The following SMC5 variants were observed in gnomAD, a reference collection of about 807,000 sequenced individuals.
SMC5 encodes the protein structural maintenance of chromosomes protein 5.
Under a neutral mutation model 148.3 loss-of-function variants are expected in SMC5, and 88 were observed. That is an observed-to-expected ratio of 0.59 (90% CI 0.50 to 0.71). The LOEUF is 0.71. Among genes scored for constraint, SMC5 ranks in the 30% least tolerant of loss-of-function variants. SMC5 has a pLI of 0.00. For synonymous variants in SMC5, 421 were observed against 432.8 expected, an observed-to-expected ratio of 0.97 and a Z score of 0.34; for missense variants, 1,142 against 1,298.9, an observed-to-expected ratio of 0.88 and a Z score of 1.86.
At position 70,259,127 on chromosome 9, in the gene SMC5, A is replaced by T; in HGVS notation, c.49A>T (p.Lys17Ter). Residue 17 changes from lysine (K) to a stop codon, truncating the protein, a stop_gained, in exon 1 of 25, where the codon AAG becomes TAG. Transcript: ENST00000361138. LOFTEE classifies it high-confidence loss of function. Reference sequence around the variant, plus strand: ...GTCAACTCCAAGCCCCCAGCCTTCCAAGAGAGCTCTCCCGAGAGACCCTTC... The same window carrying T: ...GTCAACTCCAAGCCCCCAGCCTTCCTAGAGAGCTCTCCCGAGAGACCCTTC... ...KTSTPSPQPSKRALPRDPSSE... is the reference protein window; with the variant it reads ...KTSTPSPQPS The T allele has an allele frequency of 6.2e-7, 1 of 1,612,604 alleles. No homozygotes were observed. Among genetic ancestry groups the T allele is most frequent in the Non-Finnish European group, 8.5e-7 (1 of 1,179,318 alleles).
chr9:70,346,723 A>G, intron 19 of SMC5, 74 bp downstream of exon 19: 1 of 1,489,962 alleles, frequency 6.7e-7, no homozygotes, highest in Non-Finnish European at 9.3e-7. Context: ...CATTTGCTTT[A>G]AGGCCCGGAG....
chr9:70,272,127 A>C (rs541743053), intron 3 of SMC5, among the ~76,000 whole-genome samples: 2 of 152,314 alleles, frequency 1.3e-5, no homozygotes, highest in Admixed American at 1.3e-4. Flanking sequence ...TGATTTGCTT[A>C]TGAATTATAT....
chr9:70,315,096 T>C (rs1381853418), intron 12 of SMC5, among the ~76,000 whole-genome samples: 1 of 152,026 alleles, frequency 6.6e-6, no homozygotes, highest in East Asian at 1.9e-4. Flanking sequence ...GAAAATGAAA[T>C]GATAAATTAT....
chr9:70,299,302 C>CA (rs1186077639), intron 9 of SMC5, among the ~76,000 whole-genome samples: 4 of 151,750 alleles, frequency 2.6e-5, no homozygotes, highest in African/African-American at 9.7e-5. Context: ...AATTTCACTT[C>CA]ATTGATAGCT....
chr9:70,296,190 AATTT>A (rs1185112549), intron 8 of SMC5, among the ~76,000 whole-genome samples: 2 of 152,168 alleles, frequency 1.3e-5, no homozygotes, highest in Non-Finnish European at 2.9e-5. Context: ...AAGATGTTAA[AATTT>A]ATTTATTTAT....
chr9:70,302,487 G>A (rs970640440), intron 10 of SMC5, among the ~76,000 whole-genome samples: 3 of 142,780 alleles, frequency 2.1e-5, no homozygotes, highest in East Asian at 2.1e-4. Flanking sequence ...GCTAGACTCC[G>A]TCTCAAGAAA....
In SMC5 at chr9:70,282,533, G is replaced by A; in HGVS notation, c.931G>A (p.Glu311Lys). The change falls in exon 7 of 25, where the codon GAA (glutamate) becomes AAA (lysine). Residue 311 changes from glutamate to lysine, a missense_variant. Physicochemically the swap from Glu to Lys is moderately conservative, Grantham distance 56. Transcript: ENST00000361138. ...GCAGATTCCTGTAACATGTCGAATT[G>A]AAGAAATGGAAAACGAGCGTCACAA... ...EGQIPVTCRIEEMENERHNLE... is the reference protein window; with the variant it reads ...EGQIPVTCRIKEMENERHNLE... The A allele has an allele frequency of 6.3e-7, 1 of 1,592,964 alleles. No individual in the cohort carries two copies. The highest frequency in any genetic ancestry group is 8.5e-7 in the Non-Finnish European group (1 of 1,172,756).
chr9:70,320,564 C>G, intron 15 of SMC5, among the ~76,000 whole-genome samples: 1 of 152,010 alleles, frequency 6.6e-6, no homozygotes, highest in South Asian at 2.1e-4. Context: ...TATAACTAAT[C>G]TAGAGATAAT....
intron 9 of SMC5, among the ~76,000 whole-genome samples, chr9:70,299,663 C>A (rs1451108811): frequency 1.3e-5 from 2 of 151,840 alleles, no homozygotes; most frequent in Admixed American, 1.3e-4. Flanking sequence ...ATCATCCCCC[C>A]CCCTTTTTTA....
intron 4 of SMC5, among the ~76,000 whole-genome samples, chr9:70,278,020 CAAT>C (rs61008295): frequency 0.21 from 32,015 of 151,742 alleles, 3,481 homozygotes; most frequent in South Asian, 0.28. Flanking sequence ...TTCAGAAACA[CAAT>C]GATGATTTCA....
chr9:70,344,624 G>A (rs1429867055), intron 18 of SMC5: 2 of 152,068 alleles, frequency 1.3e-5, no homozygotes, highest in African/African-American at 4.8e-5. Context: ...AAATTGGGGT[G>A]TTTAATTAGG....
At chr9:70,261,481 T>A (rs2034132530) in intron 1 of SMC5, among the ~76,000 whole-genome samples, 1 of 152,204 alleles carries the variant, frequency 6.6e-6, no homozygotes, top group South Asian at 2.1e-4. Flanking sequence ...AGCTAATTGA[T>A]CAGGTGCTAT....
chr9:70,279,374 G>A (rs1433813404), intron 5 of SMC5, among the ~76,000 whole-genome samples: 1 of 152,016 alleles, frequency 6.6e-6, no homozygotes, highest in Non-Finnish European at 1.5e-5. Context: ...AGAAAAGTTA[G>A]CCAGGCATGG....
intron 17 of SMC5, among the ~76,000 whole-genome samples, chr9:70,336,729 A>G (rs537494319): frequency 9.8e-5 from 15 of 152,306 alleles, no homozygotes; most frequent in East Asian, 3.9e-4. Flanking sequence ...TGGTTGTTCC[A>G]TATAGGAAAT....
In SMC5 at chr9:70,352,206, C is replaced by T; in HGVS notation, c.3181C>T (p.Pro1061Ser). 6.2e-7 allele frequency: 1 copy of T among 1,609,752 alleles called. No individual in the cohort carries two copies. The highest frequency in any genetic ancestry group is 1.1e-5 in the South Asian group (1 of 89,950). Residue 1061 changes from proline (P) to serine (S), a missense_variant, in exon 25 of 25, where the codon CCT becomes TCT. By Grantham distance (74) the Pro-to-Ser change is moderately conservative (BLOSUM62 -1). Transcript: ENST00000361138. ...ATACTTACAGCTCCTGCAAAATCTT[C>T]CTTATTCTGAAAAGATGACAGTTTT... ...FITPKLLQNL[P>S]YSEKMTVLFV...
At chr9:70,298,409 T>C (rs1460269753) in intron 9 of SMC5, among the ~76,000 whole-genome samples, 188 bp downstream of exon 9, 2 of 152,174 alleles carry the variant, frequency 1.3e-5, no homozygotes, top group Non-Finnish European at 2.9e-5. Flanking sequence ...TTTGCCATTA[T>C]AGCTGACCAC....
At chr9:70,315,373 G>A (rs2035769893) in intron 12 of SMC5, 73 bp from the exon 13 acceptor site, 1 of 992,902 alleles carries the variant, frequency 1.0e-6, no homozygotes, top group Admixed American at 2.6e-5. Flanking sequence ...TTGTTTATTG[G>A]TGGCTTATCA....
At chr9:70,337,957 C>T (rs2036407347) in intron 17 of SMC5, among the ~76,000 whole-genome samples, 1 of 151,782 alleles carries the variant, frequency 6.6e-6, no homozygotes, top group Non-Finnish European at 1.5e-5. Context: ...CACCATAACT[C>T]GTTATGTATT....
intron 24 of SMC5, among the ~76,000 whole-genome samples, chr9:70,351,859 T>A (rs1420768386): frequency 2.0e-5 from 3 of 152,108 alleles, no homozygotes. Flanking sequence ...GCAGATCACC[T>A]GAGGTCAGGA....
Sources: allele counts gnomAD v4.1 joint callset (sites outside exome capture counted in the v4.1 genomes callset), GRCh38; gene constraint gnomAD v4.1.1; transcripts MANE v1.5; gene names NCBI Gene and HGNC (gene_info 2026-07-23, HGNC 2026-07-21).